Variants in PXDNL observed in about 807,000 individuals in gnomAD.
PXDNL encodes the protein probable oxidoreductase PXDNL.
PXDNL carries 145 observed loss-of-function variants against 150.8 expected under a neutral mutation model. The ratio of observed to expected loss-of-function variants is 0.96; its 90% CI spans 0.84 to 1.10. The LOEUF is 1.10. Among genes scored for constraint, PXDNL ranks in the 50% least tolerant of loss-of-function variants. The pLI, the probability that PXDNL is intolerant of heterozygous loss-of-function variation, is 0.00. For synonymous variants in PXDNL, 757 were observed against 725.7 expected (o/e 1.04, Z -0.69); for missense variants, 2,087 against 1,873.9 (o/e 1.11, Z -2.10).
intron 5 of PXDNL, among the ~76,000 whole-genome samples, chr8:51,497,386 T>C (rs986785921): frequency 6.6e-6 from 1 of 152,196 alleles, no homozygotes; most frequent in Non-Finnish European, 1.5e-5. Context: ...AAGGACTTCA[T>C]GTCTAAAACA....
At chr8:51,620,842 G>T (rs1814236723) in intron 2 of PXDNL, among the ~76,000 whole-genome samples, 1 of 152,140 alleles carries the variant, frequency 6.6e-6, no homozygotes, top group Admixed American at 6.5e-5. Flanking sequence ...CACCATGCCT[G>T]GCCTTAAATA....
chr8:51,701,533 T>A (rs1215176661), intron 1 of PXDNL, among the ~76,000 whole-genome samples: 1 of 152,322 alleles, frequency 6.6e-6, no homozygotes, highest in East Asian at 1.9e-4. Context: ...CTACTTTGCC[T>A]ATACTAAGTG....
At chr8:51,522,443 T>C (rs540404611) in intron 4 of PXDNL, among the ~76,000 whole-genome samples, 9 of 152,306 alleles carry the variant, frequency 5.9e-5, no homozygotes, top group African/African-American at 2.2e-4. Context: ...AAAGGACTTA[T>C]TGAAAAACTT....
chr8:51,526,902 T>G (rs1811781677), intron 4 of PXDNL, among the ~76,000 whole-genome samples: 1 of 152,140 alleles, frequency 6.6e-6, no homozygotes, highest in African/African-American at 2.4e-5. Context: ...CAGCAATGCT[T>G]CCTCCGGCCA....
At chr8:51,597,471 G>C (rs138508028) in intron 2 of PXDNL, among the ~76,000 whole-genome samples, 1,734 of 152,218 alleles carry the variant, frequency 0.011, 14 homozygotes, top group South Asian at 0.026. Context: ...GCATAGCATT[G>C]AATCTATAGG....
At chr8:51,380,078 GTCTTGGGCCACACA>G (rs1312500796) in intron 17 of PXDNL, among the ~76,000 whole-genome samples, 4 of 151,834 alleles carry the variant, frequency 2.6e-5, no homozygotes, top group Non-Finnish European at 4.4e-5. Context: ...AAGAAGAAGT[GTCTTGGGCCACACA>G]TAAAATACAC....
intron 4 of PXDNL, among the ~76,000 whole-genome samples, chr8:51,552,087 A>T (rs1274416823): frequency 6.6e-6 from 1 of 152,134 alleles, no homozygotes; most frequent in Non-Finnish European, 1.5e-5. Flanking sequence ...GCTCAACATC[A>T]CTCATTATCA....
intron 1 of PXDNL, among the ~76,000 whole-genome samples, chr8:51,776,494 A>G (rs1035665792): frequency 1.3e-5 from 2 of 152,124 alleles, no homozygotes; most frequent in Non-Finnish European, 2.9e-5. Flanking sequence ...AAAAGAACCT[A>G]CGTGAAATAG....
At chr8:51,365,468 T>C (rs1806886769) in intron 19 of PXDNL, among the ~76,000 whole-genome samples, 1 of 152,204 alleles carries the variant, frequency 6.6e-6, no homozygotes, top group South Asian at 2.1e-4. Context: ...CTTTGATCTA[T>C]TTGATTTTAT....
intron 1 of PXDNL, among the ~76,000 whole-genome samples, chr8:51,670,364 C>T (rs183772690): frequency 2.1e-4 from 32 of 152,232 alleles, no homozygotes; most frequent in African/African-American, 6.5e-4. Flanking sequence ...TTTGTCCTTG[C>T]GCAAAGATCA....
rs1322972168 is a variant in PXDNL, at chr8:51,405,678, TG to T, written c.3557+2388del. On this transcript the variant is annotated intron_variant, in intron 17 of 22. Transcript: ENST00000356297. ...ACTGACCGTAAAAACCATTTTATTTTGCACTCATAGTTGAATGAGTATATGT... is the reference window on the plus strand; with the variant it reads ...ACTGACCGTAAAAACCATTTTATTTTCACTCATAGTTGAATGAGTATATGT... Among the ~76,000 whole-genome samples the T allele has an allele frequency of 4.6e-5, 7 of 152,374 alleles. No individual in the cohort carries two copies. In the East Asian group the frequency reaches 1.3e-3, roughly 29 times the overall value.
At chr8:51,719,415 G>A (rs1816682846) in intron 1 of PXDNL, among the ~76,000 whole-genome samples, 1 of 152,142 alleles carries the variant, frequency 6.6e-6, no homozygotes, top group East Asian at 1.9e-4. Flanking sequence ...TGCAAGATGT[G>A]CTTTGTTAAA....
At position 51,408,414 on chromosome 8, in the gene PXDNL, G is replaced by A. The variant is rs970569961; in HGVS notation, c.3210C>T (p.Thr1070=). 6.8e-6 allele frequency: 11 copies of A among 1,614,052 alleles called. 1 individual carries two copies. The highest frequency in any genetic ancestry group is 2.2e-5 in the East Asian group (1 of 44,890). Residue 1070 remains threonine, a synonymous_variant, in exon 17 of 23, where the codon ACC becomes ACT. Transcript: ENST00000356297. ...GGTGGCCTTCGGAAATTTCACCTAA[G>A]GTGGCATTCAGTCGGTAAAGAATAG... is the stretch of plus-strand genomic sequence containing the variant. ...INPILYRLNA[T]LGEISEGHLP... is the part of the protein sequence containing the mutation.
chr8:51,587,630 T>C (rs1051528191), intron 3 of PXDNL, among the ~76,000 whole-genome samples: 1 of 152,218 alleles, frequency 6.6e-6, no homozygotes, highest in African/African-American at 2.4e-5. Context: ...CCTTATGTAA[T>C]ATAAATACTT....
At chr8:51,502,704 C>T (rs1231596672) in intron 4 of PXDNL, among the ~76,000 whole-genome samples, 2 of 150,984 alleles carry the variant, frequency 1.3e-5, no homozygotes, top group Admixed American at 6.6e-5. Flanking sequence ...TGCTTTGAAA[C>T]AATTTATTAT....
rs564007441 is a variant in PXDNL at position 51,652,458 on chromosome 8, C to A, written c.236+2231G>T. Among the ~76,000 whole-genome samples, 109 of 149,396 alleles carry A rather than the reference C, an allele frequency of 7.3e-4. 2 individuals are homozygous for A. The Middle Eastern group carries it at 0.014, about 19-fold the overall frequency. ...TCTCTCTCACACACACACACACACA[C>A]ACAAACACACACACACACACACACC... On this transcript the variant is annotated intron_variant, in intron 2 of 22. Transcript: ENST00000356297.
At chr8:51,786,563 T>G (rs966856163) in intron 1 of PXDNL, among the ~76,000 whole-genome samples, 53 of 135,034 alleles carry the variant, frequency 3.9e-4, no homozygotes, top group African/African-American at 1.4e-3. Context: ...ACCTCTTCAA[T>G]GTGGTGCTGA....
intron 5 of PXDNL, among the ~76,000 whole-genome samples, chr8:51,490,846 A>C (rs1461115429): frequency 6.6e-6 from 1 of 152,002 alleles, no homozygotes; most frequent in East Asian, 1.9e-4. Flanking sequence ...AATGAATGAA[A>C]TAAAAATCTA....
intron 12 of PXDNL, among the ~76,000 whole-genome samples, chr8:51,446,714 G>A (rs1448049524): frequency 1.3e-5 from 2 of 152,070 alleles, no homozygotes; most frequent in African/African-American, 4.8e-5. Context: ...AGACAGTCTA[G>A]GCAAGTAGGA....
Sources: gnomAD v4.1 joint callset for allele counts (sites outside exome capture counted in the v4.1 genomes callset) on GRCh38, gnomAD v4.1.1 for gene constraint, MANE v1.5 for transcripts, NCBI Gene and HGNC (gene_info 2026-07-23, HGNC 2026-07-21) for gene names.